RBM26: variants seen among roughly 807,000 people sequenced by gnomAD.
RBM26 encodes the protein RNA-binding protein 26.
Under a neutral mutation model 123.6 loss-of-function variants are expected in RBM26, and 30 were observed. The observed-to-expected ratio is 0.24, with a 90% CI of 0.18 to 0.33. The LOEUF (loss-of-function observed/expected upper bound fraction) is 0.33. Ranked by LOEUF, RBM26 falls within the 10% of genes least tolerant of loss-of-function variation. The probability of loss-of-function intolerance (pLI) is 1.00; values close to 1 mark genes in which losing one functional copy is unlikely to be tolerated. For missense variants in RBM26, 947 were observed against 1,203.6 expected, an observed-to-expected ratio of 0.79 and a Z score of 3.15; for synonymous variants, 400 against 404.4, an observed-to-expected ratio of 0.99 and a Z score of 0.13.
intron 1 of RBM26, among the ~76,000 whole-genome samples, chr13:79,383,655 C>T (rs1173099955): frequency 6.6e-6 from 1 of 150,840 alleles, no homozygotes; most frequent in Non-Finnish European, 1.5e-5. Context: ...ACTGTTGCCA[C>T]GGAATTTACA....
chr13:79,323,417 A>G (rs2067940076), intron 20 of RBM26, among the ~76,000 whole-genome samples: 1 of 151,620 alleles, frequency 6.6e-6, no homozygotes, highest in African/African-American at 2.4e-5. Context: ...AAAAGATTTC[A>G]TGCCTGTTCA....
chr13:79,359,578 T>A lies in RBM26; in HGVS notation c.1526A>T (p.Asp509Val). The A allele has an allele frequency of 6.5e-7, 1 of 1,527,094 alleles. No individual in the cohort carries two copies. The highest frequency in any genetic ancestry group is 8.9e-7 in the Non-Finnish European group (1 of 1,117,742). The allele number at this position is 1,527,094 out of a possible 1,614,324, so 94.6% of individuals were successfully genotyped here. The change falls in exon 10 of 22, where the codon GAT becomes GTT. Residue 509 changes from aspartate to valine, a missense_variant. Physicochemically the swap from Asp to Val is radical, Grantham distance 152. Coordinates refer to ENST00000438737, the MANE Select transcript of RBM26 (RefSeq NM_001366735.2). ...PGVPTKKTWFDKPNFNRTNSP... is the reference protein window; with the variant it reads ...PGVPTKKTWFVKPNFNRTNSP... ...TCAATTTTCCTGGCCACCTTACTTA[T>A]CAAACCAAGTCTTCTTTGTAGGAAC...
chr13:79,334,909 G>C (rs1233037316), intron 19 of RBM26, among the ~76,000 whole-genome samples: 3 of 152,010 alleles, frequency 2.0e-5, no homozygotes, highest in Non-Finnish European at 4.4e-5. Context: ...GAGATTCCAG[G>C]TCTCTTGATT....
chr13:79,323,235 A>G (rs1347691653), intron 20 of RBM26, among the ~76,000 whole-genome samples: 3 of 109,402 alleles, frequency 2.7e-5, no homozygotes, highest in African/African-American at 1.1e-4. Context: ...TGTTAGCAAC[A>G]TATTGCCAAA....
intron 3 of RBM26, among the ~76,000 whole-genome samples, chr13:79,373,209 TATAA>T (rs1227512714): frequency 9.4e-6 from 1 of 106,530 alleles, no homozygotes; most frequent in Non-Finnish European, 1.7e-5. Flanking sequence ...TATAAAAATA[TATAA>T]ATATATATAA....
At chr13:79,372,739 TATC>T (rs1330468393) in intron 3 of RBM26, among the ~76,000 whole-genome samples, 10 of 126,984 alleles carry the variant, frequency 7.9e-5, no homozygotes, top group Admixed American at 3.2e-4. Flanking sequence ...TATATTTATG[TATC>T]ATATTGTAAT....
At chr13:79,385,578 C>T (rs754459031) in intron 1 of RBM26, among the ~76,000 whole-genome samples, 1 of 151,974 alleles carries the variant, frequency 6.6e-6, no homozygotes, top group Non-Finnish European at 1.5e-5. Context: ...GTATCAGGAG[C>T]CCTCTATGCT....
At chr13:79,371,954 T>C (rs1232874637) in intron 3 of RBM26, 24 bp from the exon 4 acceptor site, 4 of 1,436,812 alleles carry the variant, frequency 2.8e-6, no homozygotes, top group South Asian at 2.3e-5. Context: ...AAAAAAAAAG[T>C]GTACAAGTTT....
At chr13:79,402,097 GTT>G (rs965013562) in intron 1 of RBM26, among the ~76,000 whole-genome samples, 1 of 148,636 alleles carries the variant, frequency 6.7e-6, no homozygotes, top group African/African-American at 2.5e-5. Flanking sequence ...AGTGTTTTCT[GTT>G]TTTTTTGTTT....
At chr13:79,386,547 T>C (rs1476735033) in intron 1 of RBM26, among the ~76,000 whole-genome samples, 2 of 131,208 alleles carry the variant, frequency 1.5e-5, no homozygotes, top group African/African-American at 5.5e-5. Flanking sequence ...CAGATAGTTG[T>C]GGTTATAATT....
At chr13:79,351,896 C>A (rs1046765276) in intron 14 of RBM26, among the ~76,000 whole-genome samples, 1 of 152,116 alleles carries the variant, frequency 6.6e-6, no homozygotes, top group Non-Finnish European at 1.5e-5. Context: ...AGTTAAGACA[C>A]TGCACCCAGA....
In RBM26 at chr13:79,337,273, A is replaced by G; in HGVS notation, c.2562T>C (p.Gly854=). The part of the protein sequence containing the change: ...EAAKRGILSS[G]RGRGIHSRGR... ...CTCTTGAATGAATTCCTCTGCCCCGACCAGATGAAAGAATCCCTCGTTTGG... is the reference window on the plus strand; with the variant it reads ...CTCTTGAATGAATTCCTCTGCCCCGGCCAGATGAAAGAATCCCTCGTTTGG... Residue 854 remains glycine, a synonymous_variant, in exon 19 of 22, where the codon GGT becomes GGC. Coordinates refer to ENST00000438737, the MANE Select transcript of RBM26 (RefSeq NM_001366735.2). The G allele has an allele frequency of 6.2e-7, 1 of 1,614,134 alleles. No homozygotes were observed. The highest frequency in any genetic ancestry group is 8.5e-7 in the Non-Finnish European group (1 of 1,180,012).
At chr13:79,363,685 C>T (rs878870728) in intron 9 of RBM26, among the ~76,000 whole-genome samples, 1 of 152,096 alleles carries the variant, frequency 6.6e-6, no homozygotes, top group South Asian at 2.1e-4. Flanking sequence ...GCATTAAGAG[C>T]TGAAATTACC....
chr13:79,342,472 C>T (rs1043962591), intron 17 of RBM26, among the ~76,000 whole-genome samples, 192 bp downstream of exon 17: 6 of 151,812 alleles, frequency 4.0e-5, no homozygotes, highest in African/African-American at 1.4e-4. Flanking sequence ...GACTTTCCAA[C>T]TATAACAGAA....
rs758462497 is a variant in RBM26, at chr13:79,334,439, TA to T, written c.2734-10del. The T allele has an allele frequency of 1.6e-3, 2,264 of 1,431,268 alleles. No homozygotes were observed. The highest frequency in any genetic ancestry group is 2.0e-3 in the Admixed American group (88 of 44,174). 88.7% of individuals were successfully genotyped at this position (1,431,268 alleles called of 1,614,324 possible). On this transcript the variant is annotated splice_polypyrimidine_tract_variant and intron_variant, in intron 19 of 21. Transcript: ENST00000438737. Reference sequence around the variant, plus strand: ...TCAATTTCACCATATTGCTTTAAATTAAAAAAAAAGTATTTCCTCCAAATAA... The same window carrying T: ...TCAATTTCACCATATTGCTTTAAATTAAAAAAAAGTATTTCCTCCAAATAA...
intron 16 of RBM26, among the ~76,000 whole-genome samples, chr13:79,343,111 T>A (rs1429976942): frequency 6.6e-6 from 1 of 151,730 alleles, no homozygotes; most frequent in African/African-American, 2.4e-5. Context: ...CAGAAGAAAC[T>A]CAATTCTATC....
chr13:79,329,052 G>T (rs938810564), intron 20 of RBM26, among the ~76,000 whole-genome samples: 5 of 151,774 alleles, frequency 3.3e-5, no homozygotes, highest in African/African-American at 1.2e-4. Flanking sequence ...CTTTATGGTG[G>T]GCAATTTTCA....
chr13:79,374,936 T>C (rs949546849), intron 3 of RBM26, among the ~76,000 whole-genome samples: 1 of 150,768 alleles, frequency 6.6e-6, no homozygotes, highest in African/African-American at 2.4e-5. Flanking sequence ...ACTAACTCGA[T>C]TTAGGGGAAG....
At chr13:79,327,052 T>C (rs1171050898) in intron 20 of RBM26, among the ~76,000 whole-genome samples, 1 of 152,038 alleles carries the variant, frequency 6.6e-6, no homozygotes, top group Non-Finnish European at 1.5e-5. Context: ...TTCTAGCACT[T>C]TGTGAGGCTG....
Sources: allele counts gnomAD v4.1 joint callset (sites outside exome capture counted in the v4.1 genomes callset), GRCh38; gene constraint gnomAD v4.1.1; transcripts MANE v1.5; gene names NCBI Gene and HGNC (gene_info 2026-07-23, HGNC 2026-07-21).